ARL5B: variants seen among roughly 807,000 people sequenced by gnomAD.
ARL5B encodes the protein ADP-ribosylation factor-like protein 5B.
A neutral mutation model predicts 26.9 loss-of-function variants in ARL5B; 10 were observed. That is an observed-to-expected ratio of 0.37 (90% confidence interval 0.23 to 0.63). The LOEUF (loss-of-function observed/expected upper bound fraction) is 0.63, where lower values mean the gene tolerates loss of function less well. ARL5B is among the 30% of genes least tolerant of loss of function. The pLI, the probability that ARL5B is intolerant of heterozygous loss-of-function variation, is 0.62. For missense variants in ARL5B, 167 were observed against 213.9 expected, an observed-to-expected ratio of 0.78 and a Z score of 1.37; for synonymous variants, 87 against 70.4, an observed-to-expected ratio of 1.24 and a Z score of -1.18.
chr10:18,666,593 T>C lies in ARL5B; in HGVS notation c.65T>C (p.Val22Ala). The change falls in exon 2 of 6, where the codon GTG (valine) becomes GCG (alanine). Residue 22 changes from valine to alanine, a missense_variant. Val to Ala is a moderately conservative substitution (Grantham distance 64). Coordinates refer to ENST00000377275, the MANE Select transcript of ARL5B (RefSeq NM_178815.5). Reference protein sequence around the residue: ...FCNQEHKVIIVGLDNAGKTTI... With the variant: ...FCNQEHKVIIAGLDNAGKTTI... ...TTTGTAGAACACAAAGTAATTATAGTGGGACTGGATAATGCAGGGAAAACC... is the reference window on the plus strand; with the variant it reads ...TTTGTAGAACACAAAGTAATTATAGCGGGACTGGATAATGCAGGGAAAACC... 2 of 1,609,820 alleles carry C rather than the reference T, an allele frequency of 1.2e-6. No individual in the cohort carries two copies. Among genetic ancestry groups the C allele is most frequent in the East Asian group, 2.2e-5 (1 of 44,718 alleles).
chr10:18,665,804 A>G (rs1298074060), intron 1 of ARL5B, among the ~76,000 whole-genome samples: 1 of 152,216 alleles, frequency 6.6e-6, no homozygotes, highest in Non-Finnish European at 1.5e-5. Flanking sequence ...AAAATCTAGG[A>G]AAGATGGTAT....
Position 18,680,585 on chromosome 10 carries a change from G to A in ARL5B, c.*5369G>A, listed in dbSNP as rs1051977094. ...CATTTTAATCTTATATTTTCCCTCA[G>A]GAAATTTAGGGACTCTGAAGCCCCT... On this transcript the variant is annotated 3_prime_UTR_variant, in exon 6 of 6. Coordinates refer to ENST00000377275, the MANE Select transcript of ARL5B (RefSeq NM_178815.5). The A allele has an allele frequency of 1.3e-5, 2 of 151,968 alleles. No individual in the cohort carries two copies. Among genetic ancestry groups the A allele is most frequent in the Non-Finnish European group, 2.9e-5 (2 of 67,958 alleles). The allele number at this position is 151,968 out of a possible 1,614,324, so 9.4% of individuals were successfully genotyped here.
intron 5 of ARL5B, among the ~76,000 whole-genome samples, chr10:18,674,547 G>A (rs901766698): frequency 1.3e-5 from 2 of 152,152 alleles, no homozygotes; most frequent in African/African-American, 4.8e-5. Flanking sequence ...TTATTATTAG[G>A]AGGTCTTTTG....
chr10:18,677,832 T>G lies in ARL5B; in HGVS notation c.*2616T>G, dbSNP rs1056999683. On this transcript the variant is annotated 3_prime_UTR_variant, in exon 6 of 6. Coordinates refer to ENST00000377275, the MANE Select transcript of ARL5B (RefSeq NM_178815.5). ...TGTTTTATATCCCCCTTCACCTCCA[T>G]GTATTGGTTAGCACAGTTTATAGTA... is the stretch of plus-strand genomic sequence containing the variant. 6.6e-6 allele frequency: 1 copy of G among 152,254 alleles called. No individual in the cohort carries two copies. The allele number at this position is 152,254 out of a possible 1,614,324, so 9.4% of individuals were successfully genotyped here.
At position 18,680,708 on chromosome 10, in the gene ARL5B, TAAAAC is replaced by T. The variant is rs2059928616; in HGVS notation, c.*5493_*5497del. 6.6e-6 allele frequency: 1 copy of T among 152,122 alleles called. No homozygotes were observed. The highest frequency in any genetic ancestry group is 1.5e-5 in the Non-Finnish European group (1 of 67,982). 9.4% of individuals were successfully genotyped at this position (152,122 alleles called of 1,614,324 possible). On this transcript the variant is annotated 3_prime_UTR_variant, in exon 6 of 6. Transcript: ENST00000377275. ...CTGCTATTTCAGTGAAAGTGTAAAA[TAAAAC>T]GGTCATGATTTTTTTCAATTACAGA...
Position 18,675,149 on chromosome 10 carries a change from A to C in ARL5B, c.492-19A>C. The C allele has an allele frequency of 1.2e-6, 2 of 1,609,164 alleles. No individual in the cohort carries two copies. Among genetic ancestry groups the C allele is most frequent in the Non-Finnish European group, 1.7e-6 (2 of 1,176,676 alleles). Reference sequence around the variant, plus strand: ...AAGTATAAGGTTTTTAATTAAAAATACTTCTATCTTTTGTTTAGGTTATGC... The same window carrying C: ...AAGTATAAGGTTTTTAATTAAAAATCCTTCTATCTTTTGTTTAGGTTATGC... On this transcript the variant is annotated intron_variant, in intron 5 of 5. Transcript: ENST00000377275.
At chr10:18,666,305 A>G (rs1335166501) in intron 1 of ARL5B, among the ~76,000 whole-genome samples, 1 of 152,248 alleles carries the variant, frequency 6.6e-6, no homozygotes, top group Non-Finnish European at 1.5e-5. Flanking sequence ...CCTAGATGCA[A>G]TATAAGTGAC....
intron 1 of ARL5B, among the ~76,000 whole-genome samples, chr10:18,663,643 G>C (rs1457060596): frequency 7.0e-6 from 1 of 143,490 alleles, no homozygotes; most frequent in African/African-American, 2.6e-5. Context: ...CTGCCTCCCG[G>C]GTTCATGCCA....
intron 5 of ARL5B, among the ~76,000 whole-genome samples, chr10:18,674,855 A>G (rs146536098): frequency 3.3e-4 from 50 of 152,248 alleles, no homozygotes; most frequent in African/African-American, 1.1e-3. Context: ...TGAAGTTGCT[A>G]TTGACTTTCT....
chr10:18,679,880 TTACTAAAAAA>T lies in ARL5B; in HGVS notation c.*4669_*4678del, dbSNP rs1366184279. 6.6e-6 allele frequency: 1 copy of T among 151,924 alleles called. No homozygotes were observed. The highest frequency in any genetic ancestry group is 1.5e-5 in the Non-Finnish European group (1 of 67,850). The allele number at this position is 151,924 out of a possible 1,614,324, so 9.4% of individuals were successfully genotyped here. The stretch of plus-strand genomic sequence containing the variant: ...CTCCTCGTATTTAGGGTACTTAAAA[TTACTAAAAAA>T]TACTGTCTTTTTACCATACAGCTAG... On this transcript the variant is annotated 3_prime_UTR_variant, in exon 6 of 6. Coordinates refer to ENST00000377275, the MANE Select transcript of ARL5B (RefSeq NM_178815.5).
intron 1 of ARL5B, among the ~76,000 whole-genome samples, chr10:18,661,992 C>T (rs1161871611): frequency 6.6e-6 from 1 of 152,178 alleles, no homozygotes; most frequent in Admixed American, 6.5e-5. Context: ...ACATTAAACT[C>T]TCTAGAGCAA....
chr10:18,659,691 G>C lies in ARL5B; in HGVS notation c.46+8G>C. 6.2e-7 allele frequency: 1 copy of C among 1,611,968 alleles called. No individual in the cohort carries two copies. The highest frequency in any genetic ancestry group is 8.5e-7 in the Non-Finnish European group (1 of 1,179,186). ...GCCTCTTCTGTAACCAAGGTGAGAAGAATGGAGCTGCGCGGCGGCTCGAAT... is the reference window on the plus strand; with the variant it reads ...GCCTCTTCTGTAACCAAGGTGAGAACAATGGAGCTGCGCGGCGGCTCGAAT... On this transcript the variant is annotated splice_region_variant and intron_variant, in intron 1 of 5. Transcript: ENST00000377275.
chr10:18,666,195 T>A (rs935050672), intron 1 of ARL5B, among the ~76,000 whole-genome samples: 3 of 152,198 alleles, frequency 2.0e-5, no homozygotes, highest in Non-Finnish European at 4.4e-5. Flanking sequence ...AAAGCTAACT[T>A]GATTGGTACA....
rs1468472592 is a variant in ARL5B, at chr10:18,676,829, T to C, written c.*1613T>C. The C allele has an allele frequency of 6.6e-6, 1 of 152,028 alleles. No homozygotes were observed. The highest frequency in any genetic ancestry group is 1.5e-5 in the Non-Finnish European group (1 of 67,844). 9.4% of individuals were successfully genotyped at this position (152,028 alleles called of 1,614,324 possible). A position where few individuals can be genotyped will look rare whatever the true frequency, so the allele number is the denominator to read the frequency against. Reference sequence around the variant, plus strand: ...TAACATTTTTCTGATTTATCTTTAGTTGGAGCACACCCTTGAACTGAACAG... The same window carrying C: ...TAACATTTTTCTGATTTATCTTTAGCTGGAGCACACCCTTGAACTGAACAG... On this transcript the variant is annotated 3_prime_UTR_variant, in exon 6 of 6. Transcript: ENST00000377275.
Position 18,679,562 on chromosome 10 carries a change from A to T in ARL5B, c.*4346A>T, listed in dbSNP as rs180839243. ...CCAGGTTCCCCAAAAAAGTATTTTT[A>T]AAAAATTTTAGGGGACCAAAATAAA... On this transcript the variant is annotated 3_prime_UTR_variant, in exon 6 of 6. Coordinates refer to ENST00000377275, the MANE Select transcript of ARL5B (RefSeq NM_178815.5). 4.3e-4 allele frequency: 65 copies of T among 152,046 alleles called. No homozygotes were observed. Among genetic ancestry groups the T allele is most frequent in the African/African-American group, 1.5e-3 (64 of 41,530 alleles). The allele number at this position is 152,046 out of a possible 1,614,324, so 9.4% of individuals were successfully genotyped here.
intron 3 of ARL5B, among the ~76,000 whole-genome samples, chr10:18,671,146 A>G (rs536638946): frequency 2.2e-4 from 33 of 152,190 alleles, no homozygotes; most frequent in African/African-American, 7.9e-4. Context: ...CTCAGTTTAT[A>G]TTCAGATTAG....
In ARL5B at chr10:18,674,279, T is replaced by A. The variant is rs1021225671; in HGVS notation, c.491+144T>A. On this transcript the variant is annotated intron_variant, in intron 5 of 5. Transcript: ENST00000377275. ...GTGACTTTTATAATGTGTCTCAGGCTTACAACCTAGAAATAATTCTAGTAA... is the reference window on the plus strand; with the variant it reads ...GTGACTTTTATAATGTGTCTCAGGCATACAACCTAGAAATAATTCTAGTAA... 9.2e-6 allele frequency: 6 copies of A among 655,180 alleles called. No individual in the cohort carries two copies. In the African/African-American group the frequency reaches 1.1e-4, roughly 12 times the overall value. The allele number at this position is 655,180 out of a possible 1,614,324, so 40.6% of individuals were successfully genotyped here.
At chr10:18,660,502 A>G (rs929950075) in intron 1 of ARL5B, among the ~76,000 whole-genome samples, 4 of 152,096 alleles carry the variant, frequency 2.6e-5, no homozygotes, top group Non-Finnish European at 5.9e-5. Context: ...TTGAAAATCA[A>G]CTCGTTTCAT....
chr10:18,666,026 C>T (rs370704040), intron 1 of ARL5B, among the ~76,000 whole-genome samples: 19 of 152,218 alleles, frequency 1.2e-4, no homozygotes, highest in African/African-American at 4.6e-4. Context: ...AAATGTTAAA[C>T]AATGAGTAAT....
Sources: gnomAD v4.1 joint callset for allele counts (sites outside exome capture counted in the v4.1 genomes callset) on GRCh38, gnomAD v4.1.1 for gene constraint, MANE v1.5 for transcripts, NCBI Gene and HGNC (gene_info 2026-07-23, HGNC 2026-07-21) for gene names.